SLC26A4: variants seen among roughly 807,000 people sequenced by gnomAD.
SLC26A4 encodes the protein solute carrier family 26 member 4, also known as pendrin.
A neutral mutation model predicts 90.4 loss-of-function variants in SLC26A4; 93 were observed. That is an observed-to-expected ratio of 1.03 (90% CI 0.87 to 1.22). The LOEUF (loss-of-function observed/expected upper bound fraction) is 1.22. SLC26A4 is among the 50% of genes most tolerant of loss of function. The probability of loss-of-function intolerance (pLI) is 0.00; values close to 1 mark genes in which losing one functional copy is unlikely to be tolerated. For synonymous variants in SLC26A4, 393 were observed against 354.6 expected (o/e 1.11, Z -1.22); for missense variants, 1,127 against 946.2 (o/e 1.19, Z -2.51).
chr7:107,686,117 G>C (rs1371753296), intron 8 of SLC26A4, among the ~76,000 whole-genome samples: 1 of 151,542 alleles, frequency 6.6e-6, no homozygotes, highest in Non-Finnish European at 1.5e-5. Context: ...GGGTGTGTGT[G>C]TGTGTGTATA....
intron 19 of SLC26A4, among the ~76,000 whole-genome samples, chr7:107,711,544 TACA>T: frequency 6.6e-6 from 1 of 152,192 alleles, no homozygotes; most frequent in African/African-American, 2.4e-5. Flanking sequence ...ATGCTTGTAT[TACA>T]TACTTACTGG....
At chr7:107,674,821 T>G (rs1790977729) in intron 5 of SLC26A4, 124 bp from the exon 6 acceptor site, 5 of 860,262 alleles carry the variant, frequency 5.8e-6, no homozygotes, top group Non-Finnish European at 9.7e-6. Context: ...TTTCTACCAG[T>G]ATTTTTGTGC....
chr7:107,675,306 AG>A (rs1336081484), intron 6 of SLC26A4, among the ~76,000 whole-genome samples, 197 bp downstream of exon 6: 43 of 135,670 alleles, frequency 3.2e-4, no homozygotes, highest in Non-Finnish European at 5.4e-4. Context: ...AAAAAAAAAA[AG>A]AAAGAAAGAA....
chr7:107,683,352 G>A lies in SLC26A4; in HGVS notation c.916G>A (p.Val306Met). The change falls in exon 7 of 21, where the codon GTG becomes ATG. Residue 306 changes from valine to methionine, a missense_variant and splice_region_variant. Physicochemically the swap from Val to Met is conservative, Grantham distance 21. Transcript: ENST00000644269. ...IPVPIPIEVI[V>M]TIIATAISYG... ...AGTCCCTATTCCTATAGAAGTAATT[G>A]TGGTAAGTAGAATATGTAGTTAGAA... is the stretch of plus-strand genomic sequence containing the variant. The A allele has an allele frequency of 6.2e-7, 1 of 1,613,628 alleles. No individual in the cohort carries two copies.
chr7:107,693,599 A>C (rs917403538), intron 10 of SLC26A4: 1 of 985,450 alleles, frequency 1.0e-6, no homozygotes, highest in African/African-American at 1.7e-5. Flanking sequence ...TCAACAGAGA[A>C]TTCATTGGTC....
Position 107,661,376 on chromosome 7 carries a change from C to G in SLC26A4, c.-3-263C>G. 1 of 578,220 alleles carries G rather than the reference C, an allele frequency of 1.7e-6. No individual in the cohort carries two copies. The allele number at this position is 578,220 out of a possible 1,614,324, so 35.8% of individuals were successfully genotyped here. A position where few individuals can be genotyped will look rare whatever the true frequency, so the allele number is the denominator to read the frequency against. The stretch of plus-strand genomic sequence containing the variant: ...GAAGCCCCCAGAGCAGGGGCTTACT[C>G]GCTTCAAGTTTGGGGAACCCCGGGC... On this transcript the variant is annotated intron_variant, in intron 1 of 20. Transcript: ENST00000644269. This position sits in a 1 kb window ranked among gnomAD's most constrained non-coding sequence, Gnocchi z 5.1.
In SLC26A4 at chr7:107,674,951, T is replaced by G; in HGVS notation, c.607T>G (p.Phe203Val). Residue 203 changes from phenylalanine (F) to valine (V), a missense_variant, in exon 6 of 21, where the codon TTT becomes GTT. Phe to Val is a conservative substitution (Grantham distance 50, BLOSUM62 -1). Coordinates refer to ENST00000644269, the MANE Select transcript of SLC26A4 (RefSeq NM_000441.2). Reference sequence around the variant, plus strand: ...TTCCTTTTCCTTATCGTAGTTGATATTTGGTGGCTTGCAGATTGGATTCAT... The same window carrying G: ...TTCCTTTTCCTTATCGTAGTTGATAGTTGGTGGCTTGCAGATTGGATTCAT... ...TLLVGIIQLI[F>V]GGLQIGFIVR... The G allele has an allele frequency of 6.2e-7, 1 of 1,613,836 alleles. No homozygotes were observed. Among genetic ancestry groups the G allele is most frequent in the Non-Finnish European group, 8.5e-7 (1 of 1,179,944 alleles).
intron 2 of SLC26A4, chr7:107,662,283 T>G (rs949287138): frequency 1.3e-5 from 2 of 158,134 alleles, no homozygotes; most frequent in Non-Finnish European, 2.8e-5. Flanking sequence ...GTGTGCCAAG[T>G]ACTTCATCAG....
intron 12 of SLC26A4, among the ~76,000 whole-genome samples, 172 bp from the exon 13 acceptor site, chr7:107,695,761 T>G (rs1406545462): frequency 6.6e-6 from 1 of 152,020 alleles, no homozygotes; most frequent in Non-Finnish European, 1.5e-5. Flanking sequence ...TGCAGTGAAC[T>G]ATCATGGTGC....
intron 6 of SLC26A4, 134 bp from the exon 7 acceptor site, chr7:107,683,068 G>A: frequency 1.5e-6 from 1 of 685,096 alleles, no homozygotes; most frequent in Non-Finnish European, 2.5e-6. Context: ...AAACTTTTGA[G>A]TGTTGTTTGA....
intron 8 of SLC26A4, among the ~76,000 whole-genome samples, chr7:107,687,112 C>T (rs1344167043): frequency 2.0e-5 from 3 of 152,130 alleles, no homozygotes; most frequent in Non-Finnish European, 4.4e-5. Flanking sequence ...TTGGGCCCTT[C>T]AGGGTTCACT....
intron 10 of SLC26A4, chr7:107,692,121 G>A (rs1464363344): frequency 7.8e-7 from 1 of 1,279,476 alleles, no homozygotes; most frequent in Non-Finnish European, 1.0e-6. Flanking sequence ...ACAGGGTTTG[G>A]GGGATAATGG....
At position 107,700,386 on chromosome 7, in the gene SLC26A4, T is replaced by C. The variant is rs76779706; in HGVS notation, c.1707+211T>C. ...AACACATATGTTAAAACCCAGGTAG[T>C]AATAACTATGCCAGACAAAAACATT... On this transcript the variant is annotated intron_variant, in intron 15 of 20. Transcript: ENST00000644269. Among the ~76,000 whole-genome samples the C allele has an allele frequency of 0.033, 5,094 of 152,272 alleles. 285 individuals carry two copies. The highest frequency in any genetic ancestry group is 0.12 in the African/African-American group (4,777 of 41,534).
intron 10 of SLC26A4, among the ~76,000 whole-genome samples, chr7:107,691,512 T>TACACACACACACACACACACACACAC (rs760010561): frequency 9.0e-6 from 1 of 110,520 alleles, no homozygotes; most frequent in Non-Finnish European, 1.8e-5. Context: ...CAAATATATA[T>TACACACACACACACACACACACACAC]ATACACACAC....
intron 2 of SLC26A4, among the ~76,000 whole-genome samples, chr7:107,662,349 G>A (rs1218435962): frequency 1.3e-5 from 2 of 152,030 alleles, no homozygotes; most frequent in Non-Finnish European, 2.9e-5. Context: ...CAAACATGCC[G>A]TAACTAGATG....
At position 107,683,255 on chromosome 7, in the gene SLC26A4, TG is replaced by T; in HGVS notation, c.820del (p.Ala274LeufsTer15). On this transcript the variant is annotated frameshift_variant, in exon 7 of 21. Coordinates refer to ENST00000644269, the MANE Select transcript of SLC26A4 (RefSeq NM_000441.2). LOFTEE classifies it high-confidence loss of function. ...GTGATACCAATCTTGCTGATTTCAC[TG>T]CTGGATTGCTCACCATTGTCGTCTG... The part of the protein sequence containing the change: ...IGDTNLADFT[A>X]GLLTIVVCMA... 6.2e-7 allele frequency: 1 copy of T among 1,613,154 alleles called. No homozygotes were observed. Among genetic ancestry groups the T allele is most frequent in the Non-Finnish European group, 8.5e-7 (1 of 1,179,644 alleles).
chr7:107,703,071 C>G (rs1791942593), intron 17 of SLC26A4, among the ~76,000 whole-genome samples: 1 of 152,190 alleles, frequency 6.6e-6, no homozygotes, highest in Non-Finnish European at 1.5e-5. Context: ...ACTGAGCACT[C>G]TGCCAGGCAC....
intron 6 of SLC26A4, among the ~76,000 whole-genome samples, chr7:107,681,925 C>A (rs1295702962): frequency 6.6e-6 from 1 of 151,348 alleles, no homozygotes; most frequent in Non-Finnish European, 1.5e-5. Flanking sequence ...CCCCTGCCCC[C>A]ACCTCCTCCC....
In SLC26A4 at chr7:107,683,541, A is replaced by G. The variant is rs1262298247; in HGVS notation, c.1001+4A>G. The stretch of plus-strand genomic sequence containing the variant: ...TTGTTAAATCCATCCCAAGGGGGTG[A>G]GTGTGGTGTTCCTCTTAGTACTAAT... On this transcript the variant is annotated splice_donor_region_variant and intron_variant, in intron 8 of 20. Transcript: ENST00000644269. 6.2e-7 allele frequency: 1 copy of G among 1,612,350 alleles called. No homozygotes were observed. The highest frequency in any genetic ancestry group is 8.5e-7 in the Non-Finnish European group (1 of 1,178,546).
Sources: gnomAD v4.1 joint callset for allele counts (sites outside exome capture counted in the v4.1 genomes callset) on GRCh38, gnomAD v4.1.1 for gene constraint, Gnocchi (gnomAD v3.1) non-coding constraint, MANE v1.5 for transcripts, NCBI Gene and HGNC (gene_info 2026-07-23, HGNC 2026-07-21) for gene names.